Variants in CTNNA3 observed in about 807,000 individuals in gnomAD.
The protein encoded by CTNNA3 is catenin alpha 3, also known as catenin alpha-3.
CTNNA3 carries 76 observed loss-of-function variants against 95.7 expected under a neutral mutation model. The observed-to-expected ratio is 0.79, with a 90% CI of 0.66 to 0.96. CTNNA3 has a LOEUF of 0.96. Ranked by LOEUF, CTNNA3 falls within the 40% of genes least tolerant of loss-of-function variation. CTNNA3 has a pLI of 0.00. For synonymous variants in CTNNA3, 431 were observed against 374.4 expected (o/e 1.15, Z -1.74); for missense variants, 1,191 against 1,089.8 (o/e 1.09, Z -1.31).
At chr10:66,357,554 C>T (rs533376812) in intron 12 of CTNNA3, among the ~76,000 whole-genome samples, 1 of 152,124 alleles carries the variant, frequency 6.6e-6, no homozygotes, top group South Asian at 2.1e-4. Context: ...ATATATTTTC[C>T]TATTGGAGTC....
intron 3 of CTNNA3, among the ~76,000 whole-genome samples, chr10:67,546,803 T>G (rs1840857614): frequency 6.6e-6 from 1 of 152,190 alleles, no homozygotes; most frequent in African/African-American, 2.4e-5. Flanking sequence ...CGACTAAAGT[T>G]AATTTATCAT....
chr10:66,264,350 A>C (rs2132110320), intron 13 of CTNNA3, among the ~76,000 whole-genome samples: 1 of 152,026 alleles, frequency 6.6e-6, no homozygotes. Flanking sequence ...ATTTCAGTCA[A>C]TTTTACCTCT....
intron 11 of CTNNA3, among the ~76,000 whole-genome samples, chr10:66,406,579 C>A (rs16923011): frequency 6.6e-6 from 1 of 151,962 alleles, no homozygotes; most frequent in Non-Finnish European, 1.5e-5. Context: ...CCAAGGAATT[C>A]TTCATATATT....
chr10:66,973,911 C>T (rs940043332), intron 7 of CTNNA3, among the ~76,000 whole-genome samples: 2 of 152,080 alleles, frequency 1.3e-5, no homozygotes, highest in Admixed American at 6.6e-5. Flanking sequence ...CGTGAACCAC[C>T]GCGTCCAGCC....
At chr10:67,519,252 G>A (rs185316166) in intron 5 of CTNNA3, among the ~76,000 whole-genome samples, 1 of 152,246 alleles carries the variant, frequency 6.6e-6, no homozygotes, top group African/African-American at 2.4e-5. Context: ...CAAAGATGAT[G>A]TTAAAAATAT....
chr10:66,105,482 A>C (rs868203059), intron 13 of CTNNA3, among the ~76,000 whole-genome samples: 1 of 152,144 alleles, frequency 6.6e-6, no homozygotes, highest in Non-Finnish European at 1.5e-5. Flanking sequence ...TCTGCTGTTT[A>C]TTACTTGGGT....
rs147047242 is a variant in CTNNA3 at position 66,584,269 on chromosome 10, T to C, written c.1374+37423A>G. ...GCTTTGATGATCTCTCTAGTGCTGT[T>C]AGAGGAGTGTTGATGACTCCCACTA... On this transcript the variant is annotated intron_variant, in intron 10 of 17. Transcript: ENST00000433211. 1.8e-3 allele frequency among the ~76,000 whole-genome samples: 269 copies of C among 151,984 alleles called. 1 individual carries two copies. The highest frequency in any genetic ancestry group is 5.9e-3 in the African/African-American group (243 of 41,506).
chr10:66,162,300 G>C (rs2084895080), intron 13 of CTNNA3, among the ~76,000 whole-genome samples: 2 of 152,064 alleles, frequency 1.3e-5, no homozygotes, highest in African/African-American at 4.8e-5. Context: ...ATATTACCAG[G>C]GTTGCTTTTC....
At chr10:67,136,533 A>G (rs977043857) in intron 7 of CTNNA3, among the ~76,000 whole-genome samples, 1 of 152,160 alleles carries the variant, frequency 6.6e-6, no homozygotes, top group Admixed American at 6.5e-5. Flanking sequence ...TAATTACAAG[A>G]ACACTAGAAA....
At chr10:67,016,657 G>A (rs956593073) in intron 7 of CTNNA3, among the ~76,000 whole-genome samples, 1 of 152,130 alleles carries the variant, frequency 6.6e-6, no homozygotes, top group Non-Finnish European at 1.5e-5. Context: ...TATTTTTGGG[G>A]GAAAGGCACC....
intron 3 of CTNNA3, among the ~76,000 whole-genome samples, chr10:67,586,168 C>T (rs994349517): frequency 6.6e-6 from 1 of 152,046 alleles, no homozygotes; most frequent in African/African-American, 2.4e-5. Context: ...TAGTTCTATT[C>T]CACTATGGTC....
At chr10:66,019,871 C>A (rs2079167931) in intron 15 of CTNNA3, among the ~76,000 whole-genome samples, 1 of 151,978 alleles carries the variant, frequency 6.6e-6, no homozygotes, top group South Asian at 2.1e-4. Flanking sequence ...ATAATTAGTC[C>A]ATTAGTGTTT....
At chr10:66,180,818 G>T (rs1303973865) in intron 13 of CTNNA3, among the ~76,000 whole-genome samples, 1 of 152,066 alleles carries the variant, frequency 6.6e-6, no homozygotes, top group Non-Finnish European at 1.5e-5. Flanking sequence ...CTTAGCCTGA[G>T]AATCTGAGCT....
chr10:67,591,657 T>C (rs932384573), intron 3 of CTNNA3, among the ~76,000 whole-genome samples: 1 of 151,510 alleles, frequency 6.6e-6, no homozygotes, highest in African/African-American at 2.4e-5. Context: ...AAAACAAATG[T>C]ACAAAATACA....
chr10:67,645,560 C>T (rs1019013426), intron 2 of CTNNA3, among the ~76,000 whole-genome samples: 5 of 151,992 alleles, frequency 3.3e-5, no homozygotes, highest in African/African-American at 1.2e-4. Context: ...TGTGAGAACT[C>T]ATTTAAAACT....
intron 11 of CTNNA3, among the ~76,000 whole-genome samples, chr10:66,493,597 G>GTTTTTTT (rs1589329310): frequency 5.0e-5 from 6 of 119,546 alleles, no homozygotes; most frequent in East Asian, 9.0e-4. Flanking sequence ...TTTAACTACA[G>GTTTTTTT]TATTTTTTTT....
chr10:67,360,495 A>G (rs1257215966), intron 5 of CTNNA3, among the ~76,000 whole-genome samples: 1 of 152,074 alleles, frequency 6.6e-6, no homozygotes, highest in Admixed American at 6.6e-5. Flanking sequence ...ATAGGGGCAA[A>G]GTAAAGGGAT....
At chr10:67,757,954 T>G (rs920514730) in intron 1 of CTNNA3, among the ~76,000 whole-genome samples, 1 of 152,126 alleles carries the variant, frequency 6.6e-6, no homozygotes, top group Admixed American at 6.6e-5. Context: ...TGTGAGGGTA[T>G]CTCCAGAAGT....
intron 3 of CTNNA3, among the ~76,000 whole-genome samples, chr10:67,543,915 A>G (rs1840759801): frequency 6.6e-6 from 1 of 152,178 alleles, no homozygotes; most frequent in South Asian, 2.1e-4. Flanking sequence ...GATGACCTCA[A>G]TTCGATCCTA....
Sources: gnomAD v4.1 joint callset for allele counts (sites outside exome capture counted in the v4.1 genomes callset) on GRCh38, gnomAD v4.1.1 for gene constraint, MANE v1.5 for transcripts, NCBI Gene and HGNC (gene_info 2026-07-23, HGNC 2026-07-21) for gene names.